Variants in BICC1 observed in about 807,000 individuals in gnomAD.
BICC1 encodes the protein protein bicaudal C homolog 1.
BICC1 carries 43 observed loss-of-function variants against 111.0 expected under a neutral mutation model. That is an observed-to-expected ratio of 0.39 (90% confidence interval 0.30 to 0.50). The LOEUF (loss-of-function observed/expected upper bound fraction) is 0.50, where lower values mean the gene tolerates loss of function less well. BICC1 is among the 20% of genes least tolerant of loss of function. BICC1 has a pLI of 0.88. For missense variants in BICC1, 1,091 were observed against 1,203.2 expected (o/e 0.91, Z 1.38); for synonymous variants, 467 against 434.4 (o/e 1.07, Z -0.93).
At chr10:58,818,888 T>G (rs1844175481) in intron 19 of BICC1, among the ~76,000 whole-genome samples, 1 of 152,168 alleles carries the variant, frequency 6.6e-6, no homozygotes, top group Non-Finnish European at 1.5e-5. Context: ...TGAATGTTAA[T>G]TCAATGATAT....
At position 58,829,033 on chromosome 10, in the gene BICC1, T is replaced by C. The variant is rs1356921480; in HGVS notation, c.*142T>C. On this transcript the variant is annotated 3_prime_UTR_variant, in exon 21 of 21. Coordinates refer to ENST00000373886, the MANE Select transcript of BICC1 (RefSeq NM_001080512.3). ...GCATTTTATTCGCACCTGTACTTTA[T>C]GGCAAAAAGGAAGAAGAGAGAGAAG... 7 of 890,764 alleles carry C rather than the reference T, an allele frequency of 7.9e-6. No individual in the cohort carries two copies. Among genetic ancestry groups the C allele is most frequent in the East Asian group, 2.7e-5 (1 of 37,560 alleles). The allele number at this position is 890,764 out of a possible 1,614,324, so 55.2% of individuals were successfully genotyped here. A position where few individuals can be genotyped will look rare whatever the true frequency, so the allele number is the denominator to read the frequency against.
intron 1 of BICC1, among the ~76,000 whole-genome samples, chr10:58,527,360 A>C (rs535117161): frequency 6.6e-6 from 1 of 152,130 alleles, no homozygotes; most frequent in Non-Finnish European, 1.5e-5. Flanking sequence ...ATTTTCTCCT[A>C]TTCTGTACGT....
chr10:58,558,893 T>C (rs1843530194), intron 1 of BICC1, among the ~76,000 whole-genome samples: 1 of 152,100 alleles, frequency 6.6e-6, no homozygotes, highest in Non-Finnish European at 1.5e-5. Context: ...ATAAGGTCAC[T>C]GATCACATTT....
intron 1 of BICC1, among the ~76,000 whole-genome samples, chr10:58,526,144 C>T (rs1842535656): frequency 6.6e-6 from 1 of 151,824 alleles, no homozygotes; most frequent in Non-Finnish European, 1.5e-5. Flanking sequence ...GCGGTCATCT[C>T]AGCTTCTCAG....
At chr10:58,627,140 C>G (rs1001814685) in intron 2 of BICC1, among the ~76,000 whole-genome samples, 1 of 151,996 alleles carries the variant, frequency 6.6e-6, no homozygotes, top group South Asian at 2.1e-4. Flanking sequence ...GTGAACGTAA[C>G]TTAATTACTA....
chr10:58,754,925 T>C (rs887729345), intron 3 of BICC1, among the ~76,000 whole-genome samples: 1 of 152,178 alleles, frequency 6.6e-6, no homozygotes, highest in Non-Finnish European at 1.5e-5. Context: ...TAGATCAAGA[T>C]TGCGAGTGAG....
In BICC1 at chr10:58,789,407, G is replaced by T. The variant is rs557355549; in HGVS notation, c.746G>T (p.Gly249Val). 3 of 1,614,056 alleles carry T rather than the reference G, an allele frequency of 1.9e-6. No individual in the cohort carries two copies. Among genetic ancestry groups the T allele is most frequent in the South Asian group, 2.2e-5 (2 of 91,078 alleles). Residue 249 changes from glycine to valine, a missense_variant, in exon 7 of 21, where the codon GGT becomes GTT. Coordinates refer to ENST00000373886, the MANE Select transcript of BICC1 (RefSeq NM_001080512.3). ...VSFKQRSRMY[G>V]ATVIVRGSQN... Reference sequence around the variant, plus strand: ...TTTAAACAGCGTTCCCGAATGTATGGTGCTACTGTCATAGTACGAGGGTCT... The same window carrying T: ...TTTAAACAGCGTTCCCGAATGTATGTTGCTACTGTCATAGTACGAGGGTCT...
At chr10:58,675,588 G>A (rs1839314254) in intron 2 of BICC1, among the ~76,000 whole-genome samples, 1 of 152,114 alleles carries the variant, frequency 6.6e-6, no homozygotes, top group Non-Finnish European at 1.5e-5. Flanking sequence ...ACAGAAGAGG[G>A]TAGAACCATG....
At chr10:58,583,463 G>A (rs185238985) in intron 1 of BICC1, among the ~76,000 whole-genome samples, 49 of 151,716 alleles carry the variant, frequency 3.2e-4, no homozygotes, top group Admixed American at 2.3e-3. Flanking sequence ...AGAACATAAC[G>A]ATGTTTGTTT....
chr10:58,574,084 A>G lies in BICC1; in HGVS notation c.191-46771A>G, dbSNP rs188948016. On this transcript the variant is annotated intron_variant, in intron 1 of 20. Coordinates refer to ENST00000373886, the MANE Select transcript of BICC1 (RefSeq NM_001080512.3). ...CTAGGAAGGCTTTCACATACTCATG[A>G]AGTACCTCTGGGGTATGTTCTCAGC... Among the ~76,000 whole-genome samples, 48 of 152,212 alleles carry G rather than the reference A, an allele frequency of 3.2e-4. No individual in the cohort carries two copies. In the East Asian group the frequency reaches 8.1e-3, roughly 26 times the overall value.
intron 1 of BICC1, among the ~76,000 whole-genome samples, chr10:58,613,729 G>A (rs1845510956): frequency 2.0e-5 from 3 of 152,046 alleles, no homozygotes; most frequent in Admixed American, 2.0e-4. Context: ...GTTTAATTTG[G>A]TTAGAATTGT....
In BICC1 at chr10:58,820,393, C is replaced by G. The variant is rs778287759; in HGVS notation, c.2719C>G (p.Leu907Val). 6.2e-7 allele frequency: 1 copy of G among 1,611,728 alleles called. No individual in the cohort carries two copies. The highest frequency in any genetic ancestry group is 8.5e-7 in the Non-Finnish European group (1 of 1,178,354). ...GATCGATCTTCAGACATTCCTCACTCTCACAGATCAGGATCTGAAGGAGCT... is the reference window on the plus strand; with the variant it reads ...GATCGATCTTCAGACATTCCTCACTGTCACAGATCAGGATCTGAAGGAGCT... Reference protein sequence around the residue: ...QEIDLQTFLTLTDQDLKELGI... With the variant: ...QEIDLQTFLTVTDQDLKELGI... Residue 907 changes from leucine to valine, a missense_variant, in exon 20 of 21, where the codon CTC becomes GTC. Physicochemically the swap from Leu to Val is conservative, Grantham distance 32. Transcript: ENST00000373886.
chr10:58,794,983 T>C (rs938872493), intron 9 of BICC1, among the ~76,000 whole-genome samples: 2 of 152,228 alleles, frequency 1.3e-5, no homozygotes, highest in Non-Finnish European at 2.9e-5. Context: ...GGCAGCATTT[T>C]TGTGTATATA....
intron 1 of BICC1, among the ~76,000 whole-genome samples, chr10:58,537,362 T>C (rs1564476751): frequency 6.7e-6 from 1 of 149,820 alleles, no homozygotes; most frequent in Admixed American, 6.7e-5. Context: ...AAAAAAATCA[T>C]GATGAAGTGG....
At chr10:58,788,912 C>A (rs1452878853) in intron 6 of BICC1, among the ~76,000 whole-genome samples, 1 of 152,010 alleles carries the variant, frequency 6.6e-6, no homozygotes. Context: ...ATAGCAAGAC[C>A]CTGTCTGTCT....
intron 14 of BICC1, among the ~76,000 whole-genome samples, chr10:58,801,698 G>A (rs368141321): frequency 2.6e-5 from 4 of 151,494 alleles, no homozygotes; most frequent in East Asian, 3.9e-4. Context: ...TTAGTTCCTG[G>A]TATACCCTTC....
At chr10:58,828,319 A>G (rs1844458140) in intron 20 of BICC1, among the ~76,000 whole-genome samples, 2 of 152,166 alleles carry the variant, frequency 1.3e-5, no homozygotes, top group South Asian at 4.1e-4. Context: ...TTTGACATGA[A>G]TGAGTTCAGT....
chr10:58,551,939 A>G (rs1226920914), intron 1 of BICC1, among the ~76,000 whole-genome samples: 2 of 138,854 alleles, frequency 1.4e-5, no homozygotes, highest in Admixed American at 7.0e-5. Context: ...AAATGTTTAT[A>G]AAATATATAA....
rs1461998709 is a variant in BICC1, at chr10:58,775,612, G to A, written c.308-9389G>A. On this transcript the variant is annotated intron_variant, in intron 3 of 20. Transcript: ENST00000373886. ...AAATCTCTTAGGACTGAGAGATTAGGATCCTTCATTTCTACTTTATGAGAA... is the reference window on the plus strand; with the variant it reads ...AAATCTCTTAGGACTGAGAGATTAGAATCCTTCATTTCTACTTTATGAGAA... Among the ~76,000 whole-genome samples, 7 of 152,242 alleles carry A rather than the reference G, an allele frequency of 4.6e-5. No individual in the cohort carries two copies. The East Asian group carries it at 1.4e-3, about 29-fold the overall frequency.
Sources: gnomAD v4.1 joint callset for allele counts (sites outside exome capture counted in the v4.1 genomes callset) on GRCh38, gnomAD v4.1.1 for gene constraint, MANE v1.5 for transcripts, NCBI Gene and HGNC (gene_info 2026-07-23, HGNC 2026-07-21) for gene names.